The following NEK4 variants were observed in gnomAD, a reference collection of about 807,000 sequenced individuals.
NEK4 encodes the protein serine/threonine-protein kinase Nek4.
A neutral mutation model predicts 98.4 loss-of-function variants in NEK4; 86 were observed. The observed-to-expected ratio is 0.87, with a 90% CI of 0.73 to 1.05. The LOEUF (loss-of-function observed/expected upper bound fraction) is 1.05. NEK4 is among the 50% of genes least tolerant of loss of function. The probability of loss-of-function intolerance (pLI) is 0.00; values close to 1 mark genes in which losing one functional copy is unlikely to be tolerated. For missense variants in NEK4, 898 were observed against 950.3 expected (o/e 0.94, Z 0.72); for synonymous variants, 328 against 342.2 (o/e 0.96, Z 0.46).
At chr3:52,761,772 G>A (rs1439991616) in intron 5 of NEK4, among the ~76,000 whole-genome samples, 2 of 152,122 alleles carry the variant, frequency 1.3e-5, no homozygotes, top group Non-Finnish European at 2.9e-5. Context: ...CCTCACATAC[G>A]GGAGTATCAG....
Position 52,746,060 on chromosome 3 carries a change from C to A in NEK4, c.1827+1G>T. On this transcript the variant is annotated splice_donor_variant, in intron 10 of 15. Transcript: ENST00000233027. LOFTEE classifies it high-confidence loss of function. ...AAAATCCAGCATATGTTCCCACAAA[C>A]CTTTGATGATGACATCTCACTGCTC... 1 of 1,613,218 alleles carries A rather than the reference C, an allele frequency of 6.2e-7. No individual in the cohort carries two copies.
chr3:52,760,864 C>G lies in NEK4; in HGVS notation c.894G>C (p.Glu298Asp), dbSNP rs746455096. 2 of 1,608,934 alleles carry G rather than the reference C, an allele frequency of 1.2e-6. No homozygotes were observed. Among genetic ancestry groups the G allele is most frequent in the Admixed American group, 1.7e-5 (1 of 59,850 alleles). The change falls in exon 6 of 16, where the codon GAG becomes GAC. Residue 298 changes from glutamate to aspartate, a missense_variant. Coordinates refer to ENST00000233027, the MANE Select transcript of NEK4 (RefSeq NM_003157.6). ...GGATTACTTCATGATTTGATTCTGC[C>G]TCTCCAGAAACCACTGTAGCAAAAG... ...SKPFATVVSG[E>D]AESNHEVIHP...
chr3:52,745,089 T>G (rs1487962176), intron 10 of NEK4, among the ~76,000 whole-genome samples: 2 of 151,950 alleles, frequency 1.3e-5, no homozygotes, highest in East Asian at 4.0e-4. Flanking sequence ...CTAATTTTAT[T>G]TTTGTATTTT....
chr3:52,766,472 G>T, intron 2 of NEK4, 97 bp from the exon 3 acceptor site: 1 of 827,288 alleles, frequency 1.2e-6, no homozygotes, highest in Non-Finnish European at 1.9e-6. Context: ...ATGAGTTAGA[G>T]TCTTTGACCG....
At chr3:52,758,228 G>C (rs1227379353) in intron 6 of NEK4, among the ~76,000 whole-genome samples, 3 of 150,350 alleles carry the variant, frequency 2.0e-5, no homozygotes, top group Non-Finnish European at 4.4e-5. Flanking sequence ...TGGTAGAACA[G>C]TGGTTGCCAG....
At chr3:52,713,569 C>T (rs1259717700) in intron 15 of NEK4, among the ~76,000 whole-genome samples, 1 of 152,116 alleles carries the variant, frequency 6.6e-6, no homozygotes, top group South Asian at 2.1e-4. Context: ...CCGAGGCAGG[C>T]GGATCACCTG....
chr3:52,714,877 G>A lies in NEK4; in HGVS notation c.2434-3008C>T, dbSNP rs534919279. 2.6e-5 allele frequency among the ~76,000 whole-genome samples: 4 copies of A among 152,348 alleles called. No individual in the cohort carries two copies. In the South Asian group the frequency reaches 8.3e-4, roughly 32 times the overall value. On this transcript the variant is annotated intron_variant, in intron 15 of 15. Transcript: ENST00000233027. ...CCTGGCCAGGTGTGCGCATGTTTGG[G>A]GCAGCAATGACACACCAGCCCCCTG...
At chr3:52,751,612 ACT>A (rs1311659759) in intron 7 of NEK4, among the ~76,000 whole-genome samples, 4 of 151,420 alleles carry the variant, frequency 2.6e-5, no homozygotes, top group African/African-American at 9.7e-5. Context: ...CAAGAGTGAA[ACT>A]CTGTCTCAAA....
At chr3:52,725,820 C>CT (rs1300979983) in intron 15 of NEK4, among the ~76,000 whole-genome samples, 7 of 151,636 alleles carry the variant, frequency 4.6e-5, no homozygotes, top group Middle Eastern at 3.5e-3. Context: ...AATTAAAAAA[C>CT]TATAATGCAT....
Position 52,752,338 on chromosome 3 carries a change from T to G in NEK4, c.964-2A>C, listed in dbSNP as rs1287042984. The G allele has an allele frequency of 6.2e-7, 1 of 1,605,930 alleles. No individual in the cohort carries two copies. The highest frequency in any genetic ancestry group is 1.3e-5 in the African/African-American group (1 of 74,516). On this transcript the variant is annotated splice_acceptor_variant, in intron 6 of 15. Transcript: ENST00000233027. LOFTEE classifies it high-confidence loss of function. ...CTGGGACAAACATTTGCCTTCACCCTGAATGAAAAGATGTTTGGAAATTAT... is the reference window on the plus strand; with the variant it reads ...CTGGGACAAACATTTGCCTTCACCCGGAATGAAAAGATGTTTGGAAATTAT...
chr3:52,719,438 C>T (rs2097358166), intron 15 of NEK4, among the ~76,000 whole-genome samples: 1 of 151,784 alleles, frequency 6.6e-6, no homozygotes, highest in African/African-American at 2.4e-5. Flanking sequence ...ACAAAATTAG[C>T]CAGGTATGGT....
Position 52,739,522 on chromosome 3 carries a change from A to G in NEK4, c.2206T>C (p.Phe736Leu). The G allele has an allele frequency of 6.2e-7, 1 of 1,614,208 alleles. No homozygotes were observed. The highest frequency in any genetic ancestry group is 8.5e-7 in the Non-Finnish European group (1 of 1,180,028). ...DVPVANPVSEFKLHRKYRDTL... is the reference protein window; with the variant it reads ...DVPVANPVSELKLHRKYRDTL... Reference sequence around the variant, plus strand: ...TCCCGATATTTCCGATGAAGTTTGAATTCTGACACTGGGTTTGCTACCGGG... The same window carrying G: ...TCCCGATATTTCCGATGAAGTTTGAGTTCTGACACTGGGTTTGCTACCGGG... The change falls in exon 14 of 16, where the codon TTC becomes CTC. Residue 736 changes from phenylalanine (F) to leucine (L), a missense_variant. Physicochemically the swap from Phe to Leu is conservative, Grantham distance 22. Transcript: ENST00000233027.
At chr3:52,770,615 G>T in intron 1 of NEK4, 39 bp downstream of exon 1, 1 of 1,427,178 alleles carries the variant, frequency 7.0e-7, no homozygotes. Context: ...GCGCACTTCT[G>T]CCCGCCCCCG....
At chr3:52,728,148 G>A (rs187047053) in intron 15 of NEK4, among the ~76,000 whole-genome samples, 11 of 152,306 alleles carry the variant, frequency 7.2e-5, no homozygotes, top group East Asian at 3.9e-4. Context: ...TTACACAGGC[G>A]GATCACTTGA....
chr3:52,735,975 C>G (rs1284068422), intron 15 of NEK4, among the ~76,000 whole-genome samples: 1 of 152,092 alleles, frequency 6.6e-6, no homozygotes, highest in East Asian at 1.9e-4. Flanking sequence ...CTTAGTGGGG[C>G]AACAAGGATG....
intron 15 of NEK4, among the ~76,000 whole-genome samples, chr3:52,730,167 C>G (rs1470013005): frequency 6.6e-6 from 1 of 152,136 alleles, no homozygotes; most frequent in Non-Finnish European, 1.5e-5. Flanking sequence ...TGTATGCCAA[C>G]AAGTTGCATA....
intron 15 of NEK4, among the ~76,000 whole-genome samples, chr3:52,736,308 C>A (rs1423219634): frequency 6.6e-6 from 1 of 152,074 alleles, no homozygotes; most frequent in Non-Finnish European, 1.5e-5. Context: ...TATAGCAGGC[C>A]GGGCCTGGTG....
chr3:52,748,442 T>C (rs761283275), intron 8 of NEK4, among the ~76,000 whole-genome samples: 2 of 152,230 alleles, frequency 1.3e-5, no homozygotes, highest in Non-Finnish European at 2.9e-5. Context: ...TAAATTGTGG[T>C]TAATCTGAAA....
chr3:52,715,011 AT>A (rs2097353857), intron 15 of NEK4, among the ~76,000 whole-genome samples: 1 of 152,212 alleles, frequency 6.6e-6, no homozygotes, highest in Non-Finnish European at 1.5e-5. Flanking sequence ...GTACCGTGGC[AT>A]GAACAGCCTG....
Sources: allele counts gnomAD v4.1 joint callset (sites outside exome capture counted in the v4.1 genomes callset), GRCh38; gene constraint gnomAD v4.1.1; transcripts MANE v1.5; gene names NCBI Gene and HGNC (gene_info 2026-07-23, HGNC 2026-07-21).